NCOA5: variants seen among roughly 807,000 people sequenced by gnomAD.
NCOA5 encodes the protein nuclear receptor coactivator 5.
A neutral mutation model predicts 59.0 loss-of-function variants in NCOA5; 12 were observed. The observed-to-expected ratio is 0.20, with a 90% CI of 0.13 to 0.33. NCOA5 has a LOEUF of 0.33. NCOA5 is among the 10% of genes least tolerant of loss of function. The pLI is 1.00. For synonymous variants in NCOA5, 270 were observed against 275.5 expected, an observed-to-expected ratio of 0.98 and a Z score of 0.20; for missense variants, 655 against 766.6, an observed-to-expected ratio of 0.85 and a Z score of 1.72.
At chr20:46,071,413 A>G (rs1015909579) in intron 2 of NCOA5, among the ~76,000 whole-genome samples, 1 of 152,170 alleles carries the variant, frequency 6.6e-6, no homozygotes, top group Non-Finnish European at 1.5e-5. Flanking sequence ...ATCCCAATAA[A>G]GTCACTTGTG....
At chr20:46,067,730 C>T (rs1288691495) in intron 4 of NCOA5, among the ~76,000 whole-genome samples, 1 of 151,788 alleles carries the variant, frequency 6.6e-6, no homozygotes, top group Non-Finnish European at 1.5e-5. Flanking sequence ...AATTTAAGAA[C>T]CTTTAAAGAT....
chr20:46,084,120 G>A (rs2085022412), intron 1 of NCOA5, among the ~76,000 whole-genome samples: 2 of 152,090 alleles, frequency 1.3e-5, no homozygotes, highest in Non-Finnish European at 2.9e-5. Context: ...TGTGTACTAA[G>A]AACATTATGT....
chr20:46,088,041 T>C (rs1174934015), intron 1 of NCOA5, among the ~76,000 whole-genome samples: 1 of 152,088 alleles, frequency 6.6e-6, no homozygotes, highest in African/African-American at 2.4e-5. Context: ...GGAAGAAAAC[T>C]TGAATAAGCC....
Position 46,065,649 on chromosome 20 carries a change from T to C in NCOA5, c.630-421A>G, listed in dbSNP as rs2084815459. On this transcript the variant is annotated intron_variant, in intron 5 of 7. Transcript: ENST00000290231. ...AAGTTGTGAAGCTTAAGCAAGTCCA[T>C]TTACCTCTTACAAACATCAGTTTCT... Among the ~76,000 whole-genome samples, 5 of 152,318 alleles carry C rather than the reference T, an allele frequency of 3.3e-5. No homozygotes were observed. In the South Asian group the frequency reaches 1.0e-3, roughly 32 times the overall value.
intron 3 of NCOA5, 73 bp downstream of exon 3, chr20:46,070,137 G>A (rs2084865895): frequency 8.3e-7 from 1 of 1,209,026 alleles, no homozygotes; most frequent in Admixed American, 2.0e-5. Context: ...CTCTTACAGA[G>A]CTTTCAATTA....
rs374353317 is a variant in NCOA5, at chr20:46,075,648, CA to C, written c.38+3738del. ...AGTCTTACTTCTTGTACCTAGAGGC[CA>C]CATCTGCATAAAGATATGCTACAAG... On this transcript the variant is annotated intron_variant, in intron 2 of 7. Transcript: ENST00000290231. Among the ~76,000 whole-genome samples the C allele has an allele frequency of 2.0e-3, 302 of 152,228 alleles. 1 individual carries two copies. The highest frequency in any genetic ancestry group is 7.0e-3 in the African/African-American group (289 of 41,526).
intron 5 of NCOA5, among the ~76,000 whole-genome samples, chr20:46,065,929 T>A (rs4812989): frequency 0.031 from 4,721 of 152,240 alleles, 164 homozygotes; most frequent in Admixed American, 0.11. Flanking sequence ...AAAAATAATT[T>A]ATGTAAGGCA....
chr20:46,070,362 ATCCCGCAAATCTCTACTATGTCTGTGG>A lies in NCOA5; in HGVS notation c.186_212del (p.His65_Arg73del). On this transcript the variant is annotated inframe_deletion, in exon 3 of 8. Coordinates refer to ENST00000290231, the MANE Select transcript of NCOA5 (RefSeq NM_020967.3). ...CGCGCACACTCCTGCTGTCTCTGTG[ATCCCGCAAATCTCTACTATGTCTGTGG>A]TCCCGCAAGTCTCGGGGGTCTCGAA... The A allele has an allele frequency of 3.1e-6, 5 of 1,612,912 alleles. No individual in the cohort carries two copies. The highest frequency in any genetic ancestry group is 4.2e-6 in the Non-Finnish European group (5 of 1,179,868).
rs1163518180 is a variant in NCOA5, at chr20:46,062,013, C to T, written c.*287G>A. ...CTCCAAATCCAGTAGAAACAGGGAC[C>T]GGAGAAACCCCATCAAATACAAGCC... On this transcript the variant is annotated 3_prime_UTR_variant, in exon 8 of 8. Transcript: ENST00000290231. 2.8e-5 allele frequency: 7 copies of T among 250,966 alleles called. No homozygotes were observed. The highest frequency in any genetic ancestry group is 9.7e-5 in the Admixed American group (2 of 20,564). 15.5% of individuals were successfully genotyped at this position (250,966 alleles called of 1,614,324 possible). A position where few individuals can be genotyped will look rare whatever the true frequency, so the allele number is the denominator to read the frequency against.
intron 1 of NCOA5, among the ~76,000 whole-genome samples, chr20:46,082,142 T>C (rs2084998336): frequency 6.6e-6 from 1 of 152,066 alleles, no homozygotes; most frequent in South Asian, 2.1e-4. Context: ...CGGCTTTACA[T>C]AAAAGGAAGA....
At chr20:46,081,900 A>G (rs1456061334) in intron 1 of NCOA5, among the ~76,000 whole-genome samples, 1 of 152,118 alleles carries the variant, frequency 6.6e-6, no homozygotes, top group Non-Finnish European at 1.5e-5. Flanking sequence ...AAATCCTAAC[A>G]CATGTGCACA....
At chr20:46,063,185 A>G (rs182242443) in intron 7 of NCOA5, among the ~76,000 whole-genome samples, 175 bp downstream of exon 7, 2 of 152,302 alleles carry the variant, frequency 1.3e-5, no homozygotes, top group East Asian at 3.9e-4. Flanking sequence ...GTACCCAAAT[A>G]TAAAGTTATT....
At chr20:46,076,087 A>T (rs1214220188) in intron 2 of NCOA5, among the ~76,000 whole-genome samples, 1 of 152,242 alleles carries the variant, frequency 6.6e-6, no homozygotes, top group Non-Finnish European at 1.5e-5. Context: ...ACAAGGTGTT[A>T]TAAAGGTCTT....
intron 6 of NCOA5, among the ~76,000 whole-genome samples, chr20:46,064,050 C>G (rs1049084411): frequency 9.2e-5 from 14 of 152,210 alleles, no homozygotes; most frequent in Admixed American, 8.5e-4. Flanking sequence ...GGCCAACAGG[C>G]CCCTCTGGAA....
intron 1 of NCOA5, among the ~76,000 whole-genome samples, chr20:46,079,701 T>C (rs1186492392): frequency 6.6e-6 from 1 of 152,240 alleles, no homozygotes; most frequent in Non-Finnish European, 1.5e-5. Context: ...TTAAACTAAT[T>C]ACGTCAATGC....
At chr20:46,067,826 C>G (rs2084840410) in intron 4 of NCOA5, among the ~76,000 whole-genome samples, 1 of 151,898 alleles carries the variant, frequency 6.6e-6, no homozygotes, top group African/African-American at 2.4e-5. Context: ...TAAAAAAAAC[C>G]AAAAACCTAT....
rs1028344980 is a variant in NCOA5 at position 46,083,151 on chromosome 20, T to C, written c.-29-3698A>G. Among the ~76,000 whole-genome samples, 5 of 152,318 alleles carry C rather than the reference T, an allele frequency of 3.3e-5. No individual in the cohort carries two copies. In the South Asian group the frequency reaches 1.0e-3, roughly 32 times the overall value. The stretch of plus-strand genomic sequence containing the variant: ...GTCAAAGAAAATTTCCAGGAGGCCA[T>C]TGCTTTGGACTGAGCTCCTGAACTA... On this transcript the variant is annotated intron_variant, in intron 1 of 7. Coordinates refer to ENST00000290231, the MANE Select transcript of NCOA5 (RefSeq NM_020967.3).
At chr20:46,086,750 C>T (rs374036526) in intron 1 of NCOA5, among the ~76,000 whole-genome samples, 10 of 152,122 alleles carry the variant, frequency 6.6e-5, no homozygotes, top group African/African-American at 2.4e-4. Flanking sequence ...ATTAATAAAC[C>T]ACAAGGTACA....
intron 2 of NCOA5, among the ~76,000 whole-genome samples, chr20:46,073,853 T>A (rs2084909371): frequency 6.6e-6 from 1 of 152,218 alleles, no homozygotes; most frequent in Non-Finnish European, 1.5e-5. Flanking sequence ...ACTAAAACTC[T>A]AGATTCGCAA....
Sources: allele counts gnomAD v4.1 joint callset (sites outside exome capture counted in the v4.1 genomes callset), GRCh38; gene constraint gnomAD v4.1.1; transcripts MANE v1.5; gene names NCBI Gene and HGNC (gene_info 2026-07-23, HGNC 2026-07-21).